Variants in HOXA10 observed in about 807,000 individuals in gnomAD.
HOXA10 encodes homeobox protein Hox-A10.
A neutral mutation model predicts 29.7 loss-of-function variants in HOXA10; 12 were observed. The ratio of observed to expected loss-of-function variants is 0.40; its 90% CI spans 0.26 to 0.65. HOXA10 has a LOEUF of 0.65. Among genes scored for constraint, HOXA10 ranks in the 30% least tolerant of loss-of-function variants. HOXA10 has a pLI of 0.37. For missense variants in HOXA10, 656 were observed against 585.9 expected, an observed-to-expected ratio of 1.12 and a Z score of -1.24; for synonymous variants, 327 against 280.7, an observed-to-expected ratio of 1.16 and a Z score of -1.65.
upstream of HOXA10, among the ~76,000 whole-genome samples, chr7:27,176,374 C>T (rs539846500): frequency 6.6e-6 from 1 of 152,232 alleles, no homozygotes; most frequent in African/African-American, 2.4e-5. Flanking sequence ...GCCCATGAGA[C>T]GGACGAACCT....
intron 1 of HOXA10, chr7:27,172,731 A>G (rs1783531816): frequency 1.2e-5 from 2 of 169,700 alleles, no homozygotes; most frequent in Non-Finnish European, 2.5e-5. Flanking sequence ...AGGGATAGAT[A>G]GCTGGGCGAT....
rs1158104191 is a variant in HOXA10, at chr7:27,172,022, G to A, written c.1110C>T (p.Ser370=). 2.5e-6 allele frequency: 4 copies of A among 1,613,884 alleles called. No individual in the cohort carries two copies. The highest frequency in any genetic ancestry group is 3.4e-6 in the Non-Finnish European group (4 of 1,179,962). ...YLTRERRLEI[S]RSVHLTDRQV... ...GTCTGTCCGTGAGGTGGACGCTGCGGCTAATCTCTAGGCGCCGCTCTCGAG... is the reference window on the plus strand; with the variant it reads ...GTCTGTCCGTGAGGTGGACGCTGCGACTAATCTCTAGGCGCCGCTCTCGAG... Residue 370 remains serine (S), a synonymous_variant, in exon 2 of 2, where the codon AGC becomes AGT. Transcript: ENST00000283921.
At chr7:27,178,265 T>C (rs1783688904), upstream of HOXA10, among the ~76,000 whole-genome samples, 1 of 152,240 alleles carries the variant, frequency 6.6e-6, no homozygotes, top group Non-Finnish European at 1.5e-5. Context: ...AATCAGAGCT[T>C]CTCATATCCA....
chr7:27,173,523 C>G lies in HOXA10; in HGVS notation c.784G>C (p.Asp262His). Residue 262 changes from aspartate (D) to histidine (H), a missense_variant, in exon 1 of 2, where the codon GAT becomes CAT. By Grantham distance (81) the Asp-to-His change is moderately conservative (BLOSUM62 -1). Coordinates refer to ENST00000283921, the MANE Select transcript of HOXA10 (RefSeq NM_018951.4). ...LPPALASGSA[D>H]AARKERALDS... Reference sequence around the variant, plus strand: ...AGGGCTCGCTCCTTCCGGGCCGCATCGGCCGAGCCGGAGGCTAGCGCGGGC... The same window carrying G: ...AGGGCTCGCTCCTTCCGGGCCGCATGGGCCGAGCCGGAGGCTAGCGCGGGC... 2 of 1,457,820 alleles carry G rather than the reference C, an allele frequency of 1.4e-6. No homozygotes were observed. Among genetic ancestry groups the G allele is most frequent in the East Asian group, 5.6e-5 (2 of 35,872 alleles). 90.3% of individuals were successfully genotyped at this position (1,457,820 alleles called of 1,614,324 possible). A position where few individuals can be genotyped will look rare whatever the true frequency, so the allele number is the denominator to read the frequency against.
At chr7:27,174,479 C>T (rs1174477123), upstream of HOXA10, among the ~76,000 whole-genome samples, 2 of 152,218 alleles carry the variant, frequency 1.3e-5, no homozygotes, top group African/African-American at 2.4e-5. Flanking sequence ...AATATGTAAT[C>T]TGTATTGATG....
Position 27,170,911 on chromosome 7 carries a change from G to T in HOXA10, c.*988C>A, listed in dbSNP as rs576389557. 1 of 453,810 alleles carries T rather than the reference G, an allele frequency of 2.2e-6. No individual in the cohort carries two copies. The highest frequency in any genetic ancestry group is 4.4e-6 in the Non-Finnish European group (1 of 226,712). The allele number at this position is 453,810 out of a possible 1,614,324, so 28.1% of individuals were successfully genotyped here. On this transcript the variant is annotated 3_prime_UTR_variant, in exon 2 of 2. Coordinates refer to ENST00000283921, the MANE Select transcript of HOXA10 (RefSeq NM_018951.4). ...ATGTCTCCCTTCTCTAGTTTATTCC[G>T]CTTACCCCAGTCCTCCTAGGCTTCT...
In HOXA10 at chr7:27,174,139, ACCGCCACCGCCG is replaced by A. The variant is rs1404799015; in HGVS notation, c.156_167del (p.Gly53_Gly56del). 6.3e-7 allele frequency: 1 copy of A among 1,593,344 alleles called. No homozygotes were observed. The highest frequency in any genetic ancestry group is 1.3e-5 in the African/African-American group (1 of 74,422). ...GGTAGACCCCGCCGTGGGCGTAGTA[ACCGCCACCGCCG>A]CCGCCCCCCGCGCCACCACCACCGC... On this transcript the variant is annotated inframe_deletion, in exon 1 of 2. Coordinates refer to ENST00000283921, the MANE Select transcript of HOXA10 (RefSeq NM_018951.4).
chr7:27,173,695 G>A lies in HOXA10; in HGVS notation c.612C>T (p.Thr204=), dbSNP rs1409824613. ...GPPPDGCALG[T]SSGVPVPGYF... is the part of the protein sequence containing the mutation. The stretch of plus-strand genomic sequence containing the variant: ...AGCCAGGCACTGGCACCCCGCTGGA[G>A]GTGCCCAGGGCGCAGCCGTCGGGCG... Residue 204 remains threonine (T), a synonymous_variant, in exon 1 of 2, where the codon ACC becomes ACT. Coordinates refer to ENST00000283921, the MANE Select transcript of HOXA10 (RefSeq NM_018951.4). 4.5e-6 allele frequency: 7 copies of A among 1,565,790 alleles called. No individual in the cohort carries two copies. Among genetic ancestry groups the A allele is most frequent in the Non-Finnish European group, 5.2e-6 (6 of 1,155,954 alleles).
Position 27,173,517 on chromosome 7 carries a change from C to A in HOXA10, c.790G>T (p.Ala264Ser), listed in dbSNP as rs1459135084. ...GAATCGAGGGCTCGCTCCTTCCGGG[C>A]CGCATCGGCCGAGCCGGAGGCTAGC... ...PALASGSADA[A>S]RKERALDSPP... The change falls in exon 1 of 2, where the codon GCC (alanine) becomes TCC (serine). Residue 264 changes from alanine (A) to serine (S), a missense_variant. Physicochemically the swap from Ala to Ser is moderately conservative, Grantham distance 99. Coordinates refer to ENST00000283921, the MANE Select transcript of HOXA10 (RefSeq NM_018951.4). The A allele has an allele frequency of 8.2e-6, 12 of 1,464,932 alleles. No homozygotes were observed. Among genetic ancestry groups the A allele is most frequent in the East Asian group, 2.7e-5 (1 of 36,400 alleles). 90.7% of individuals were successfully genotyped at this position (1,464,932 alleles called of 1,614,324 possible).
Position 27,171,779 on chromosome 7 carries a change from G to A in HOXA10, c.*120C>T. 1 of 993,400 alleles carries A rather than the reference G, an allele frequency of 1.0e-6. No homozygotes were observed. The highest frequency in any genetic ancestry group is 1.6e-6 in the Non-Finnish European group (1 of 615,586). The allele number at this position is 993,400 out of a possible 1,614,324, so 61.5% of individuals were successfully genotyped here. ...CACAGATGTAACGGCCCAGGAGATG[G>A]CGAGTGTGGGAGGGAGGAACAGGGC... On this transcript the variant is annotated 3_prime_UTR_variant, in exon 2 of 2. Transcript: ENST00000283921.
exon 1 of HOXA10, chr7:27,179,839 G>T (rs1226304014): frequency 2.9e-6 from 2 of 696,654 alleles, no homozygotes; most frequent in Admixed American, 4.0e-5. Flanking sequence ...TATCAGAAGC[G>T]AACAAAGGCC....
rs1378155569 is a variant in HOXA10 at position 27,173,354 on chromosome 7, G to A, written c.953C>T (p.Ser318Phe). The A allele has an allele frequency of 6.2e-7, 1 of 1,611,916 alleles. No homozygotes were observed. Among genetic ancestry groups the A allele is most frequent in the African/African-American group, 1.3e-5 (1 of 74,888 alleles). ...CCCTCTGCAGCCCTGCTTACCCAGG[G>A]AATCCTTCTCCGGCGAGGCTTTGCT... ...ESSKASPEKD[S>F]LGNSKGENAA... The change falls in exon 1 of 2, where the codon TCC becomes TTC. Residue 318 changes from serine to phenylalanine, a missense_variant. Ser to Phe is a radical substitution (Grantham distance 155). Transcript: ENST00000283921.
chr7:27,179,830 A>G (rs1332455740), exon 1 of HOXA10: 2 of 697,984 alleles, frequency 2.9e-6, no homozygotes, highest in Admixed American at 2.0e-5. Flanking sequence ...TGCTCTTAGT[A>G]TCAGAAGCGA....
At chr7:27,172,208 G>A (rs1324643938) in intron 1 of HOXA10, 35 bp from the exon 2 acceptor site, 1 of 1,611,368 alleles carries the variant, frequency 6.2e-7, no homozygotes, top group Non-Finnish European at 8.5e-7. Context: ...GGATGATTAA[G>A]TCGAGGCCAC....
upstream of HOXA10, among the ~76,000 whole-genome samples, chr7:27,174,550 A>C (rs1783612735): frequency 6.6e-6 from 1 of 152,212 alleles, no homozygotes; most frequent in Non-Finnish European, 1.5e-5. Context: ...GGCTGCCCCA[A>C]CGTGGCTGGT....
chr7:27,173,260 G>A, intron 1 of HOXA10, 89 bp downstream of exon 1: 1 of 1,576,392 alleles, frequency 6.3e-7, no homozygotes. Context: ...CCGGCCGGCT[G>A]CTGCGCGGGC....
At position 27,173,565 on chromosome 7, in the gene HOXA10, G is replaced by A; in HGVS notation, c.742C>T (p.Arg248Cys). Residue 248 changes from arginine to cysteine, a missense_variant, in exon 1 of 2, where the codon CGC (arginine) becomes TGC (cysteine). By Grantham distance (180) the Arg-to-Cys change is radical. Transcript: ENST00000283921. ...AGPFPAQPPG[R>C]GFDLPPALAS... is the part of the protein sequence containing the mutation. Reference sequence around the variant, plus strand: ...AGCGCGGGCGGGAGATCGAAACCGCGCCCCGGGGGCTGCGCGGGGAACGGG... The same window carrying A: ...AGCGCGGGCGGGAGATCGAAACCGCACCCCGGGGGCTGCGCGGGGAACGGG... 1 of 1,463,002 alleles carries A rather than the reference G, an allele frequency of 6.8e-7. No individual in the cohort carries two copies. The allele number at this position is 1,463,002 out of a possible 1,614,324, so 90.6% of individuals were successfully genotyped here. A position where few individuals can be genotyped will look rare whatever the true frequency, so the allele number is the denominator to read the frequency against.
chr7:27,177,751 C>T (rs1481870580), upstream of HOXA10, among the ~76,000 whole-genome samples: 1 of 152,200 alleles, frequency 6.6e-6, no homozygotes, highest in Non-Finnish European at 1.5e-5. Flanking sequence ...TGCTCATTTG[C>T]CTTCTTTCTT....
At position 27,174,069 on chromosome 7, in the gene HOXA10, G is replaced by A. The variant is rs760576037; in HGVS notation, c.238C>T (p.Leu80Phe). Reference sequence around the variant, plus strand: ...CGCTTGCCGCCCAGCGTGGGGAAGAGCCCGCAGCTCTGCAGCCCGTAGGGC... The same window carrying A: ...CGCTTGCCGCCCAGCGTGGGGAAGAACCCGCAGCTCTGCAGCCCGTAGGGC... The part of the protein sequence containing the change: ...DLPYGLQSCG[L>F]FPTLGGKRNE... Residue 80 changes from leucine to phenylalanine, a missense_variant, in exon 1 of 2, where the codon CTC becomes TTC. Around this residue, in one of 2 missense-constraint regions of HOXA10, gnomAD observed 594 missense variants for 491.9 expected, o/e 1.21. Coordinates refer to ENST00000283921, the MANE Select transcript of HOXA10 (RefSeq NM_018951.4). The A allele has an allele frequency of 1.3e-6, 2 of 1,554,274 alleles. No homozygotes were observed. Among genetic ancestry groups the A allele is most frequent in the South Asian group, 2.3e-5 (2 of 87,422 alleles).
Sources: allele counts gnomAD v4.1 joint callset (sites outside exome capture counted in the v4.1 genomes callset), GRCh38; gene constraint gnomAD v4.1.1; regional missense constraint gnomAD v4.1.1; transcripts MANE v1.5; gene names NCBI Gene and HGNC (gene_info 2026-07-23, HGNC 2026-07-21).